The following AGPS variants were observed in gnomAD, a reference collection of about 807,000 sequenced individuals.
AGPS encodes the protein alkyldihydroxyacetonephosphate synthase, peroxisomal.
A neutral mutation model predicts 90.7 loss-of-function variants in AGPS; 26 were observed. The ratio of observed to expected loss-of-function variants is 0.29; its 90% CI spans 0.21 to 0.40. The LOEUF (loss-of-function observed/expected upper bound fraction) is 0.40. Ranked by LOEUF, AGPS falls within the 10% of genes least tolerant of loss-of-function variation. The pLI, the probability that AGPS is intolerant of heterozygous loss-of-function variation, is 1.00. For missense variants in AGPS, 540 were observed against 816.1 expected (o/e 0.66, Z 4.12); for synonymous variants, 294 against 285.3 (o/e 1.03, Z -0.31).
intron 8 of AGPS, among the ~76,000 whole-genome samples, chr2:177,447,103 C>T (rs996539444): frequency 6.6e-6 from 1 of 152,054 alleles, no homozygotes; most frequent in Non-Finnish European, 1.5e-5. Context: ...TTTTGTTCAA[C>T]TTGGGTTATA....
intron 2 of AGPS, among the ~76,000 whole-genome samples, chr2:177,421,836 C>T (rs777250951): frequency 1.3e-5 from 2 of 152,108 alleles, no homozygotes; most frequent in African/African-American, 2.4e-5. Flanking sequence ...TCTCTCTTCT[C>T]GGACACTGTC....
At chr2:177,406,201 A>G (rs1158882458) in intron 1 of AGPS, among the ~76,000 whole-genome samples, 1 of 152,162 alleles carries the variant, frequency 6.6e-6, no homozygotes, top group African/African-American at 2.4e-5. Flanking sequence ...TCTCACTTCT[A>G]GCCTGGTCTC....
At chr2:177,508,152 G>A (rs1559077388) in intron 16 of AGPS, 121 bp downstream of exon 16, 2 of 751,478 alleles carry the variant, frequency 2.7e-6, no homozygotes, top group East Asian at 2.7e-5. Context: ...TTGAGACAAG[G>A]CAGCTACTTT....
chr2:177,533,800 G>A (rs951749203), intron 19 of AGPS, among the ~76,000 whole-genome samples: 3 of 152,124 alleles, frequency 2.0e-5, no homozygotes, highest in African/African-American at 7.2e-5. Context: ...GAAATACAAA[G>A]TCAATGCTCA....
chr2:177,522,406 T>C (rs1393088171), intron 18 of AGPS, among the ~76,000 whole-genome samples: 1 of 152,146 alleles, frequency 6.6e-6, no homozygotes, highest in East Asian at 1.9e-4. Context: ...TATAAATTCT[T>C]AGAGCAGGGG....
rs774381776 is a variant in AGPS at position 177,493,127 on chromosome 2, TTTTTTTTC to T, written c.1234-15_1234-8del. ...TTACTGTATTAAATTTGTATCACTT[TTTTTTTTC>T]TTTTTAAAACAGAGATGTGCTCCGG... On this transcript the variant is annotated splice_polypyrimidine_tract_variant and intron_variant, in intron 11 of 19. Coordinates refer to ENST00000264167, the MANE Select transcript of AGPS (RefSeq NM_003659.4). 23 of 1,604,052 alleles carry T rather than the reference TTTTTTTTC, an allele frequency of 1.4e-5. No homozygotes were observed. The African/African-American group carries it at 2.0e-4, about 14-fold the overall frequency.
chr2:177,528,958 C>G (rs941070031), intron 19 of AGPS, among the ~76,000 whole-genome samples: 2 of 141,876 alleles, frequency 1.4e-5, no homozygotes, highest in African/African-American at 5.3e-5. Flanking sequence ...CGGGTTCAAG[C>G]TATTCTCCTG....
intron 3 of AGPS, 112 bp from the exon 4 acceptor site, chr2:177,436,652 C>A (rs1022495522): frequency 4.8e-6 from 5 of 1,040,580 alleles, no homozygotes; most frequent in Non-Finnish European, 7.3e-6. Flanking sequence ...ATGCTTCAGC[C>A]TTACTTTGAA....
intron 17 of AGPS, among the ~76,000 whole-genome samples, chr2:177,516,579 G>A (rs1239841262): frequency 6.6e-6 from 1 of 152,008 alleles, no homozygotes; most frequent in East Asian, 1.9e-4. Flanking sequence ...TCATTATTTG[G>A]ACTTGTCTGA....
In AGPS at chr2:177,515,813, G is replaced by C. The variant is rs138884147; in HGVS notation, c.1697+1905G>C. On this transcript the variant is annotated intron_variant, in intron 17 of 19. Coordinates refer to ENST00000264167, the MANE Select transcript of AGPS (RefSeq NM_003659.4). ...TTTCTGTGACCATCTTATAAAACCA[G>C]TTAGAATATGCAAAGCCTAGTTACT... Among the ~76,000 whole-genome samples, 857 of 152,264 alleles carry C rather than the reference G, an allele frequency of 5.6e-3. 9 individuals carry two copies. The highest frequency in any genetic ancestry group is 0.02 in the African/African-American group (816 of 41,558).
In AGPS at chr2:177,437,358, T is replaced by C. The variant is rs376464473; in HGVS notation, c.637+304T>C. Among the ~76,000 whole-genome samples the C allele has an allele frequency of 2.6e-4, 39 of 152,272 alleles. No homozygotes were observed. In the South Asian group the frequency reaches 6.8e-3, roughly 27 times the overall value. On this transcript the variant is annotated intron_variant, in intron 5 of 19. Transcript: ENST00000264167. ...GGAAGCTTCATGAAATTAGTGTCAG[T>C]AATACATTCAGATATATAGAATTAT...
chr2:177,508,574 G>C (rs1688776656), intron 16 of AGPS, among the ~76,000 whole-genome samples: 2 of 152,130 alleles, frequency 1.3e-5, no homozygotes, highest in Non-Finnish European at 2.9e-5. Context: ...AAATAAGATA[G>C]ATGGAAATAG....
intron 11 of AGPS, among the ~76,000 whole-genome samples, chr2:177,485,304 A>C (rs972960805): frequency 2.0e-5 from 3 of 152,202 alleles, no homozygotes; most frequent in African/African-American, 7.2e-5. Context: ...GCAAATACTT[A>C]CATGTAAATC....
At chr2:177,448,298 A>G (rs1559050676) in intron 8 of AGPS, among the ~76,000 whole-genome samples, 1 of 152,196 alleles carries the variant, frequency 6.6e-6, no homozygotes, top group Non-Finnish European at 1.5e-5. Context: ...TAAGTTAATA[A>G]TGTGAACTAC....
chr2:177,454,855 T>C (rs921326630), intron 8 of AGPS, among the ~76,000 whole-genome samples: 3 of 152,294 alleles, frequency 2.0e-5, no homozygotes, highest in African/African-American at 7.2e-5. Flanking sequence ...GAATTAATAG[T>C]TTTCTCAGTT....
intron 2 of AGPS, among the ~76,000 whole-genome samples, chr2:177,432,983 C>T (rs1326297687): frequency 6.6e-6 from 1 of 152,156 alleles, no homozygotes; most frequent in Non-Finnish European, 1.5e-5. Context: ...TCCCTTCCCC[C>T]AGGGCATTAA....
At chr2:177,497,960 T>A (rs1688458713) in intron 13 of AGPS, among the ~76,000 whole-genome samples, 195 bp downstream of exon 13, 2 of 151,890 alleles carry the variant, frequency 1.3e-5, no homozygotes, top group Admixed American at 6.6e-5. Context: ...TTTTCCAGTT[T>A]TGAAGCTTCT....
intron 8 of AGPS, among the ~76,000 whole-genome samples, chr2:177,458,367 G>A (rs2105661030): frequency 6.6e-6 from 1 of 152,174 alleles, no homozygotes; most frequent in East Asian, 1.9e-4. Flanking sequence ...AAGAAATAAA[G>A]CGTATTCAAA....
At position 177,539,864 on chromosome 2, in the gene AGPS, A is replaced by G. The variant is rs1008954701; in HGVS notation, c.*1669A>G. 5.9e-5 allele frequency: 9 copies of G among 151,676 alleles called. No homozygotes were observed. Among genetic ancestry groups the G allele is most frequent in the Non-Finnish European group, 1.3e-4 (9 of 67,806 alleles). 9.4% of individuals were successfully genotyped at this position (151,676 alleles called of 1,614,324 possible). ...TATTTTTAATTATAAAATTTCCAAC[A>G]GATCTTTGCTTTAAGCCCTTGATAT... On this transcript the variant is annotated 3_prime_UTR_variant, in exon 20 of 20. Coordinates refer to ENST00000264167, the MANE Select transcript of AGPS (RefSeq NM_003659.4).
Sources: gnomAD v4.1 joint callset for allele counts (sites outside exome capture counted in the v4.1 genomes callset) on GRCh38, gnomAD v4.1.1 for gene constraint, MANE v1.5 for transcripts, NCBI Gene and HGNC (gene_info 2026-07-23, HGNC 2026-07-21) for gene names.